The following ADAMTS17 variants were observed in gnomAD, a reference collection of about 807,000 sequenced individuals.
ADAMTS17 encodes the protein A disintegrin and metalloproteinase with thrombospondin motifs 17.
ADAMTS17 carries 113 observed loss-of-function variants against 141.5 expected under a neutral mutation model. The ratio of observed to expected loss-of-function variants is 0.80; its 90% CI spans 0.69 to 0.93. The LOEUF (loss-of-function observed/expected upper bound fraction) is 0.93, where lower values mean the gene tolerates loss of function less well. Among genes scored for constraint, ADAMTS17 ranks in the 40% least tolerant of loss-of-function variants. The probability of loss-of-function intolerance (pLI) is 0.00; values close to 1 mark genes in which losing one functional copy is unlikely to be tolerated. For synonymous variants in ADAMTS17, 768 were observed against 630.6 expected (o/e 1.22, Z -3.27); for missense variants, 1,659 against 1,517.9 (o/e 1.09, Z -1.54).
intron 15 of ADAMTS17, among the ~76,000 whole-genome samples, chr15:100,091,010 C>CAACAACAAAAAAA (rs1555446585): frequency 1.8e-5 from 1 of 54,596 alleles, no homozygotes; most frequent in African/African-American, 7.1e-5. Flanking sequence ...TCCGTCTCAA[C>CAACAACAAAAAAA]AAAAAAAAAA....
chr15:100,115,381 T>C (rs2037051212), intron 13 of ADAMTS17, among the ~76,000 whole-genome samples: 1 of 152,196 alleles, frequency 6.6e-6, no homozygotes, highest in South Asian at 2.1e-4. Context: ...AGGCCGTGTT[T>C]CTCTTGAATT....
At chr15:100,172,216 A>C (rs76214641) in intron 8 of ADAMTS17, among the ~76,000 whole-genome samples, 5,701 of 152,214 alleles carry the variant, frequency 0.037, 185 homozygotes, top group East Asian at 0.17. Context: ...ACTAGAAAAC[A>C]CTGGTGCCTG....
At position 100,199,337 on chromosome 15, in the gene ADAMTS17, C is replaced by CGATGGG; in HGVS notation, c.1161_1162insCCCATC (p.Ile387_Ala388insProIle). 6.2e-7 allele frequency: 1 copy of CGATGGG among 1,614,124 alleles called. No individual in the cohort carries two copies. Among genetic ancestry groups the CGATGGG allele is most frequent in the African/African-American group, 1.3e-5 (1 of 75,034 alleles). ...ACTTACTTGTGGCCCAGCTCATGGG[C>CGATGGG]GATGGTAAAGGCCAAATTGAGACCA... On this transcript the variant is annotated inframe_insertion, in exon 8 of 22. Coordinates refer to ENST00000268070, the MANE Select transcript of ADAMTS17 (RefSeq NM_139057.4).
intron 7 of ADAMTS17, among the ~76,000 whole-genome samples, chr15:100,251,440 G>C (rs2043150959): frequency 6.6e-6 from 1 of 152,182 alleles, no homozygotes; most frequent in Admixed American, 6.5e-5. Flanking sequence ...AGCTAATTAA[G>C]GTTGGCCGGG....
rs1287698843 is a variant in ADAMTS17, at chr15:100,218,990, G to T, written c.1076-19567C>A. Among the ~76,000 whole-genome samples, 11 of 152,306 alleles carry T rather than the reference G, an allele frequency of 7.2e-5. No homozygotes were observed. The East Asian group carries it at 2.1e-3, about 29-fold the overall frequency. ...GCAATGGAATATGATTTAACAAAAG[G>T]AGTGAAGTTCTGACACATGCTAGAA... On this transcript the variant is annotated intron_variant, in intron 7 of 21. Coordinates refer to ENST00000268070, the MANE Select transcript of ADAMTS17 (RefSeq NM_139057.4).
intron 15 of ADAMTS17, among the ~76,000 whole-genome samples, chr15:100,060,411 ACACTTACACACCATCCTGGTCTTCCAGG>A (rs2033025414): frequency 2.0e-5 from 3 of 152,270 alleles, no homozygotes; most frequent in Admixed American, 2.0e-4. Context: ...CTCTCTGTGG[ACACTTACACACCATCCTGGTCTTCCAGG>A]CACTGTGGGA....
chr15:100,208,561 G>A (rs2041669035), intron 7 of ADAMTS17, among the ~76,000 whole-genome samples: 3 of 152,192 alleles, frequency 2.0e-5, no homozygotes, highest in African/African-American at 4.8e-5. Flanking sequence ...GTGACCAGAA[G>A]GGGCATGAAG....
intron 7 of ADAMTS17, among the ~76,000 whole-genome samples, chr15:100,244,114 C>T (rs1272935252): frequency 6.6e-6 from 1 of 151,978 alleles, no homozygotes; most frequent in Non-Finnish European, 1.5e-5. Flanking sequence ...TACATGGTGG[C>T]AGGCCAGAGA....
At chr15:100,077,226 T>C (rs1341341437) in intron 15 of ADAMTS17, among the ~76,000 whole-genome samples, 3 of 141,514 alleles carry the variant, frequency 2.1e-5, no homozygotes, top group East Asian at 4.1e-4. Flanking sequence ...GGTGGAACAC[T>C]TGAGGCCAGG....
At chr15:100,046,042 A>G (rs1319062037) in intron 18 of ADAMTS17, among the ~76,000 whole-genome samples, 3 of 152,136 alleles carry the variant, frequency 2.0e-5, no homozygotes, top group Admixed American at 6.5e-5. Context: ...CACCACACCC[A>G]GCTAATTTTT....
chr15:100,073,073 A>G (rs150528966), intron 15 of ADAMTS17, among the ~76,000 whole-genome samples: 1,937 of 152,224 alleles, frequency 0.013, 44 homozygotes, highest in African/African-American at 0.042. Flanking sequence ...CAAGAAAAAA[A>G]CAAACAGCCC....
Position 99,993,034 on chromosome 15 carries a change from C to A in ADAMTS17, c.2949+14G>T. ...ACTGCGGCACGGAGAGAAATGCCAG[C>A]AGGCTGCTCTCACCGTAGACCAGTC... On this transcript the variant is annotated intron_variant, in intron 20 of 21. Coordinates refer to ENST00000268070, the MANE Select transcript of ADAMTS17 (RefSeq NM_139057.4). This position sits in a 1 kb window ranked among gnomAD's most constrained non-coding sequence, Gnocchi z 4.3. 1.9e-6 allele frequency: 3 copies of A among 1,614,060 alleles called. No individual in the cohort carries two copies. Among genetic ancestry groups the A allele is most frequent in the Non-Finnish European group, 2.5e-6 (3 of 1,180,034 alleles).
chr15:100,002,862 G>A (rs12898366), intron 18 of ADAMTS17, among the ~76,000 whole-genome samples: 75,669 of 151,640 alleles, frequency 0.5, 19,598 homozygotes, highest in Non-Finnish European at 0.57. Flanking sequence ...TTCCCGCGGA[G>A]TTCTTACAAT....
intron 7 of ADAMTS17, among the ~76,000 whole-genome samples, chr15:100,239,422 T>C (rs2042758977): frequency 6.6e-6 from 1 of 152,194 alleles, no homozygotes; most frequent in Non-Finnish European, 1.5e-5. Flanking sequence ...CAGTCGACCC[T>C]GCTGAAAGCA....
chr15:100,151,758 C>T (rs7178745), intron 10 of ADAMTS17, among the ~76,000 whole-genome samples: 2,326 of 152,220 alleles, frequency 0.015, 60 homozygotes, highest in African/African-American at 0.054. Flanking sequence ...TCCCCTGTGG[C>T]CAGGGCCTTC....
chr15:99,985,016 C>T (rs957736310), intron 20 of ADAMTS17, among the ~76,000 whole-genome samples: 1 of 152,244 alleles, frequency 6.6e-6, no homozygotes, highest in East Asian at 1.9e-4. Context: ...CTCACTTCCC[C>T]GCGGCCACCC....
rs565685963 is a variant in ADAMTS17, at chr15:100,326,287, T to C, written c.616+4602A>G. 6.4e-4 allele frequency among the ~76,000 whole-genome samples: 97 copies of C among 152,306 alleles called. No homozygotes were observed. The South Asian group carries it at 0.012, about 19-fold the overall frequency. On this transcript the variant is annotated intron_variant, in intron 3 of 21. Transcript: ENST00000268070. ...TTTTAGGTTCTGCTTCCAGTTAAGATGTAGAAGGACAGGAAAGACTCCAAC... is the reference window on the plus strand; with the variant it reads ...TTTTAGGTTCTGCTTCCAGTTAAGACGTAGAAGGACAGGAAAGACTCCAAC...
chr15:100,211,232 G>T (rs1233686594), intron 7 of ADAMTS17, among the ~76,000 whole-genome samples: 2 of 149,020 alleles, frequency 1.3e-5, no homozygotes, highest in African/African-American at 4.9e-5. Context: ...GGAGGTGGAG[G>T]TTGCAGTGAG....
At chr15:100,041,946 TAGAAAGGC>T (rs1567078909) in intron 18 of ADAMTS17, among the ~76,000 whole-genome samples, 2 of 152,048 alleles carry the variant, frequency 1.3e-5, no homozygotes, top group African/African-American at 4.8e-5. Context: ...AACAATAACA[TAGAAAGGC>T]TCTTTCACCT....
Sources: gnomAD v4.1 joint callset for allele counts (sites outside exome capture counted in the v4.1 genomes callset) on GRCh38, gnomAD v4.1.1 for gene constraint, Gnocchi (gnomAD v3.1) non-coding constraint, MANE v1.5 for transcripts, NCBI Gene and HGNC (gene_info 2026-07-23, HGNC 2026-07-21) for gene names.